The following NRG3 variants were observed in gnomAD, a reference collection of about 807,000 sequenced individuals.
NRG3 encodes neuregulin 3.
A neutral mutation model predicts 66.9 loss-of-function variants in NRG3; 31 were observed. The ratio of observed to expected loss-of-function variants is 0.46; its 90% confidence interval spans 0.35 to 0.63. The LOEUF (loss-of-function observed/expected upper bound fraction) is 0.63. Among genes scored for constraint, NRG3 ranks in the 20% least tolerant of loss-of-function variants. The pLI is 0.00. For missense variants in NRG3, 910 were observed against 878.9 expected (o/e 1.04, Z -0.45); for synonymous variants, 393 against 359.4 (o/e 1.09, Z -1.06).
At chr10:82,317,501 C>T (rs535271939) in intron 1 of NRG3, among the ~76,000 whole-genome samples, 1 of 152,258 alleles carries the variant, frequency 6.6e-6, no homozygotes, top group Non-Finnish European at 1.5e-5. Context: ...GTCTTGTTTG[C>T]AAACCCTTCT....
chr10:82,226,655 G>A (rs2076177412), intron 1 of NRG3, among the ~76,000 whole-genome samples: 1 of 152,242 alleles, frequency 6.6e-6, no homozygotes, highest in Non-Finnish European at 1.5e-5. Flanking sequence ...CATTGTGCAT[G>A]CTATATGTTT....
intron 4 of NRG3, among the ~76,000 whole-genome samples, chr10:82,925,626 C>T (rs1296317712): frequency 1.3e-5 from 2 of 152,210 alleles, no homozygotes; most frequent in African/African-American, 4.8e-5. Flanking sequence ...AACTGGAAGA[C>T]TCCTTTGCCA....
intron 7 of NRG3, among the ~76,000 whole-genome samples, chr10:82,978,336 A>G (rs1480389998): frequency 6.6e-6 from 1 of 152,232 alleles, no homozygotes; most frequent in Non-Finnish European, 1.5e-5. Flanking sequence ...ATTTGGATGT[A>G]TGAGTCAAAT....
At chr10:82,145,083 A>G (rs2070147003) in intron 1 of NRG3, among the ~76,000 whole-genome samples, 2 of 152,194 alleles carry the variant, frequency 1.3e-5, no homozygotes, top group Admixed American at 1.3e-4. Context: ...AGCTGTCTGC[A>G]TTGTTTGCAT....
At chr10:82,247,433 A>G (rs983741383) in intron 1 of NRG3, among the ~76,000 whole-genome samples, 3 of 152,018 alleles carry the variant, frequency 2.0e-5, no homozygotes, top group African/African-American at 7.2e-5. Context: ...CCTTTTATAA[A>G]GGCTCTAATT....
chr10:82,386,404 C>T (rs1427358880), intron 2 of NRG3, among the ~76,000 whole-genome samples: 1 of 152,026 alleles, frequency 6.6e-6, no homozygotes, highest in African/African-American at 2.4e-5. Flanking sequence ...ATGTATTTGT[C>T]AAAAATCATA....
intron 2 of NRG3, among the ~76,000 whole-genome samples, chr10:82,668,295 A>G (rs901837435): frequency 6.6e-6 from 1 of 152,236 alleles, no homozygotes; most frequent in African/African-American, 2.4e-5. Context: ...CAGAGAGCCA[A>G]TAATAACCAC....
At chr10:82,834,150 T>C (rs941143599) in intron 3 of NRG3, among the ~76,000 whole-genome samples, 3 of 152,210 alleles carry the variant, frequency 2.0e-5, no homozygotes, top group African/African-American at 7.2e-5. Flanking sequence ...AGCTTTGCTA[T>C]ATTAATGAGG....
chr10:82,984,578 A>G (rs1189071829), intron 8 of NRG3, among the ~76,000 whole-genome samples: 1 of 150,994 alleles, frequency 6.6e-6, no homozygotes. Flanking sequence ...AAGCAGAAAA[A>G]CTCTTGATTG....
At position 82,968,358 on chromosome 10, in the gene NRG3, G is replaced by A. The variant is rs551916879; in HGVS notation, c.1285-5430G>A. Among the ~76,000 whole-genome samples, 12 of 151,790 alleles carry A rather than the reference G, an allele frequency of 7.9e-5. No homozygotes were observed. In the South Asian group the frequency reaches 2.5e-3, roughly 32 times the overall value. ...CTGAAACAAAATGCTGTGAGAGAAA[G>A]AAAAAAAGTTCTAAAATAATAAATT... On this transcript the variant is annotated intron_variant, in intron 6 of 8. Transcript: ENST00000372141.
At chr10:82,121,194 G>A (rs1024904826) in intron 1 of NRG3, among the ~76,000 whole-genome samples, 1 of 151,986 alleles carries the variant, frequency 6.6e-6, no homozygotes, top group Non-Finnish European at 1.5e-5. Context: ...CTGGCTGCAG[G>A]ACATTCTTCC....
intron 1 of NRG3, among the ~76,000 whole-genome samples, chr10:82,019,235 C>T (rs986361986): frequency 3.3e-5 from 5 of 152,094 alleles, no homozygotes; most frequent in South Asian, 4.1e-4. Flanking sequence ...TACTGGATTA[C>T]GTTTATTAAT....
At chr10:82,800,810 A>G (rs1287884142) in intron 3 of NRG3, among the ~76,000 whole-genome samples, 1 of 152,098 alleles carries the variant, frequency 6.6e-6, no homozygotes, top group African/African-American at 2.4e-5. Flanking sequence ...TTGAATTTTC[A>G]CTTCCCTTAA....
At chr10:82,396,232 A>AT (rs375717648) in intron 2 of NRG3, among the ~76,000 whole-genome samples, 1 of 151,722 alleles carries the variant, frequency 6.6e-6, no homozygotes, top group African/African-American at 2.4e-5. Flanking sequence ...CCTCTGGAAC[A>AT]TTTTTTTTCA....
intron 4 of NRG3, among the ~76,000 whole-genome samples, chr10:82,948,812 G>T (rs186066683): frequency 6.6e-6 from 1 of 152,202 alleles, no homozygotes; most frequent in Admixed American, 6.5e-5. Flanking sequence ...GTCTTCTGTA[G>T]ATTCCATCAG....
At chr10:82,023,211 G>A (rs2062140244) in intron 1 of NRG3, among the ~76,000 whole-genome samples, 1 of 151,564 alleles carries the variant, frequency 6.6e-6, no homozygotes, top group Non-Finnish European at 1.5e-5. Context: ...TGTTGATTTT[G>A]CATCCTGCCA....
chr10:81,926,262 C>CT (rs1846767918), intron 1 of NRG3, among the ~76,000 whole-genome samples: 2 of 152,028 alleles, frequency 1.3e-5, no homozygotes, highest in Non-Finnish European at 2.9e-5. Flanking sequence ...GGATTACAGG[C>CT]ACCCGCAACC....
chr10:82,151,938 G>GT (rs1301793103), intron 1 of NRG3, among the ~76,000 whole-genome samples: 2 of 151,802 alleles, frequency 1.3e-5, no homozygotes, highest in Non-Finnish European at 2.9e-5. Flanking sequence ...AATAGTACAT[G>GT]TTTTTTTAGG....
At chr10:82,787,655 G>A (rs908457515) in intron 3 of NRG3, among the ~76,000 whole-genome samples, 3 of 152,178 alleles carry the variant, frequency 2.0e-5, no homozygotes, top group African/African-American at 7.2e-5. Context: ...GGCTGCTTCT[G>A]CAAGCTTAAG....
Sources: allele counts gnomAD v4.1 joint callset (sites outside exome capture counted in the v4.1 genomes callset), GRCh38; gene constraint gnomAD v4.1.1; transcripts MANE v1.5; gene names NCBI Gene and HGNC (gene_info 2026-07-23, HGNC 2026-07-21).